The following HK1 variants were observed in gnomAD, a reference collection of about 807,000 sequenced individuals.
The protein encoded by HK1 is hexokinase 1.
Under a neutral mutation model 91.6 loss-of-function variants are expected in HK1, and 28 were observed. The observed-to-expected ratio is 0.31, with a 90% confidence interval of 0.23 to 0.42. HK1 has a LOEUF of 0.42. Ranked by LOEUF, HK1 falls within the 10% of genes least tolerant of loss-of-function variation. The pLI, the probability that HK1 is intolerant of heterozygous loss-of-function variation, is 1.00. For synonymous variants in HK1, 430 were observed against 468.1 expected (o/e 0.92, Z 1.05); for missense variants, 770 against 1,219.8 (o/e 0.63, Z 5.49).
At chr10:69,377,546 C>A (rs1839178970) in intron 8 of HK1, among the ~76,000 whole-genome samples, 1 of 152,058 alleles carries the variant, frequency 6.6e-6, no homozygotes, top group African/African-American at 2.4e-5. Flanking sequence ...CTAGTAACCT[C>A]AAGATGTTAA....
chr10:69,383,171 A>C (rs1418532636), intron 10 of HK1, among the ~76,000 whole-genome samples: 2 of 152,054 alleles, frequency 1.3e-5, no homozygotes, highest in African/African-American at 2.4e-5. Flanking sequence ...ACCCTGTCTC[A>C]AAAAAAATTA....
At chr10:69,387,452 A>G (rs1196184791) in intron 13 of HK1, among the ~76,000 whole-genome samples, 1 of 151,906 alleles carries the variant, frequency 6.6e-6, no homozygotes, top group Non-Finnish European at 1.5e-5. Context: ...ACATCTGGCT[A>G]ATTTTTGTGT....
intron 1 of HK1, among the ~76,000 whole-genome samples, chr10:69,270,415 T>A (rs61868714): frequency 0.11 from 16,479 of 151,974 alleles, 1,038 homozygotes; most frequent in East Asian, 0.17. Context: ...ACCTCATCTC[T>A]ACTAAAAATA....
At chr10:69,313,663 A>G (rs1443989689), upstream of HK1, among the ~76,000 whole-genome samples, 1 of 151,664 alleles carries the variant, frequency 6.6e-6, no homozygotes, top group African/African-American at 2.4e-5. Flanking sequence ...ATGCCTGGCT[A>G]ATTTTGTATT....
At chr10:69,328,616 G>A (rs1847516704) in intron 1 of HK1, among the ~76,000 whole-genome samples, 1 of 152,178 alleles carries the variant, frequency 6.6e-6, no homozygotes, top group Non-Finnish European at 1.5e-5. Context: ...TGATGGCAGA[G>A]CTCCTGCTTT....
rs539923089 is a variant in HK1, at chr10:69,341,637, A to AT, written c.64-2184dup. ...GCATCACCATGCTGGGCTAATTTTTATTTTTTGTAGAGACAGGGTTGTTGC... is the reference window on the plus strand; with the variant it reads ...GCATCACCATGCTGGGCTAATTTTTATTTTTTTGTAGAGACAGGGTTGTTGC... On this transcript the variant is annotated intron_variant, in intron 1 of 17. Transcript: ENST00000359426. 5.5e-4 allele frequency among the ~76,000 whole-genome samples: 83 copies of AT among 151,598 alleles called. No homozygotes were observed. The East Asian group carries it at 9.5e-3, about 17-fold the overall frequency.
chr10:69,328,069 G>A (rs1213271041), intron 1 of HK1, among the ~76,000 whole-genome samples: 2 of 152,108 alleles, frequency 1.3e-5, no homozygotes, highest in Non-Finnish European at 2.9e-5. Flanking sequence ...CTCTCTTCCC[G>A]GGTGGATCCG....
chr10:69,378,984 G>A lies in HK1; in HGVS notation c.1032-878G>A, dbSNP rs1424173473. 2.0e-5 allele frequency among the ~76,000 whole-genome samples: 3 copies of A among 152,002 alleles called. No individual in the cohort carries two copies. In the East Asian group the frequency reaches 5.8e-4, roughly 29 times the overall value. On this transcript the variant is annotated intron_variant, in intron 8 of 17. Transcript: ENST00000359426. ...CAGAGTTAAAACTTGGGACTCCCCC[G>A]ACCCTCCCAGAACACTTGTATATTG...
At chr10:69,394,656 C>CT (rs1840054997) in intron 15 of HK1, among the ~76,000 whole-genome samples, 1 of 152,128 alleles carries the variant, frequency 6.6e-6, no homozygotes. Context: ...GGAGGACAGG[C>CT]TCTCGGGGAA....
At chr10:69,368,365 A>C (rs940710745) in intron 4 of HK1, among the ~76,000 whole-genome samples, 171 bp from the exon 5 acceptor site, 5 of 152,130 alleles carry the variant, frequency 3.3e-5, no homozygotes, top group Admixed American at 1.3e-4. Flanking sequence ...TGTGTGGATG[A>C]TCGGGAGATG....
chr10:69,398,996 T>G (rs1348881791), intron 17 of HK1, among the ~76,000 whole-genome samples, 168 bp downstream of exon 17: 2 of 152,250 alleles, frequency 1.3e-5, no homozygotes, highest in African/African-American at 4.8e-5. Flanking sequence ...ATGAACAGTT[T>G]GTAGGGTTTG....
intron 1 of HK1, among the ~76,000 whole-genome samples, 157 bp from the exon 2 acceptor site, chr10:69,343,670 G>T (rs115483508): frequency 2.0e-5 from 3 of 152,186 alleles, no homozygotes; most frequent in African/African-American, 7.2e-5. Context: ...TGTTCTGGGT[G>T]ACATGGATGA....
intron 16 of HK1, among the ~76,000 whole-genome samples, chr10:69,397,739 A>G (rs2132968499): frequency 6.6e-6 from 1 of 152,348 alleles, no homozygotes; most frequent in East Asian, 1.9e-4. Flanking sequence ...TCTTCATTGT[A>G]CCATCCCAGT....
At chr10:69,337,198 G>T (rs1022598071) in intron 1 of HK1, among the ~76,000 whole-genome samples, 1 of 152,170 alleles carries the variant, frequency 6.6e-6, no homozygotes, top group African/African-American at 2.4e-5. Flanking sequence ...CCACAGCCCT[G>T]TGTACTTTCC....
chr10:69,290,403 A>C (rs548336866), intron 3 of HK1, among the ~76,000 whole-genome samples: 1 of 152,318 alleles, frequency 6.6e-6, no homozygotes, highest in African/African-American at 2.4e-5. Context: ...CTACAAGAGT[A>C]GCTTACAATG....
intron 2 of HK1, among the ~76,000 whole-genome samples, chr10:69,357,609 CCAT>C (rs2132750559): frequency 6.6e-6 from 1 of 152,198 alleles, no homozygotes; most frequent in Admixed American, 6.5e-5. Context: ...ACCACCATGC[CCAT>C]CTAATCTTTT....
chr10:69,284,053 G>A (rs1844900107), intron 2 of HK1, among the ~76,000 whole-genome samples: 1 of 152,158 alleles, frequency 6.6e-6, no homozygotes, highest in Non-Finnish European at 1.5e-5. Context: ...CAAATGCTGT[G>A]CTGATATTCC....
At chr10:69,364,187 T>C (rs555637918) in intron 3 of HK1, among the ~76,000 whole-genome samples, 2 of 152,320 alleles carry the variant, frequency 1.3e-5, no homozygotes, top group Admixed American at 6.5e-5. Flanking sequence ...TGTTTCTCCA[T>C]CTGGGTGCTG....
chr10:69,377,189 C>T (rs899483067), intron 8 of HK1, 100 bp downstream of exon 8: 13 of 1,402,324 alleles, frequency 9.3e-6, no homozygotes, highest in Non-Finnish European at 1.3e-5. Flanking sequence ...GCTTTTCCTT[C>T]AAGAGTGTCA....
Sources: allele counts gnomAD v4.1 joint callset (sites outside exome capture counted in the v4.1 genomes callset), GRCh38; gene constraint gnomAD v4.1.1; transcripts MANE v1.5; gene names NCBI Gene and HGNC (gene_info 2026-07-23, HGNC 2026-07-21).